The following C5 variants were observed in gnomAD, a reference collection of about 807,000 sequenced individuals.
C5 encodes the protein C3 and PZP-like alpha-2-macroglobulin domain-containing protein 4.
A neutral mutation model predicts 218.8 loss-of-function variants in C5; 140 were observed. That is an observed-to-expected ratio of 0.64 (90% CI 0.56 to 0.74). C5 has a LOEUF of 0.74. Among genes scored for constraint, C5 ranks in the 30% least tolerant of loss-of-function variants. The pLI is 0.00. For synonymous variants in C5, 614 were observed against 682.3 expected (o/e 0.90, Z 1.56); for missense variants, 1,700 against 1,969.6 (o/e 0.86, Z 2.59).
At chr9:121,045,334 C>G (rs1408257979) in intron 2 of C5, among the ~76,000 whole-genome samples, 2 of 151,928 alleles carry the variant, frequency 1.3e-5, no homozygotes, top group African/African-American at 4.8e-5. Flanking sequence ...ATAACATAAT[C>G]AAAATAATTT....
At chr9:121,035,209 C>G (rs1253640159) in intron 4 of C5, among the ~76,000 whole-genome samples, 1 of 152,094 alleles carries the variant, frequency 6.6e-6, no homozygotes, top group East Asian at 1.9e-4. Context: ...AACAAACAAA[C>G]AAACAAACAA....
At chr9:121,074,268 G>A in the C5 span, among the ~76,000 whole-genome samples, 1 of 152,200 alleles carries the variant, frequency 6.6e-6, no homozygotes, top group Non-Finnish European at 1.5e-5. Context: ...CCCAGTATCT[G>A]CTAAATTCTT....
chr9:121,025,508 C>T lies in C5; in HGVS notation c.946G>A (p.Glu316Lys), dbSNP rs750679049. 3.1e-6 allele frequency: 5 copies of T among 1,611,850 alleles called. No homozygotes were observed. The highest frequency in any genetic ancestry group is 4.2e-6 in the Non-Finnish European group (5 of 1,179,140). ...AVKELSYYSL[E>K]DLNNKYLYIA... ...TAAAGGTACTTGTTGTTTAAATCTTCTAAACTGTAGTATGACAGTTCTTTG... is the reference window on the plus strand; with the variant it reads ...TAAAGGTACTTGTTGTTTAAATCTTTTAAACTGTAGTATGACAGTTCTTTG... The change falls in exon 9 of 41, where the codon GAA becomes AAA. Residue 316 changes from glutamate (E) to lysine (K), a missense_variant. Physicochemically the swap from Glu to Lys is moderately conservative, Grantham distance 56. Transcript: ENST00000223642.
At chr9:121,019,420 G>A (rs1444101344) in intron 12 of C5, among the ~76,000 whole-genome samples, 1 of 152,024 alleles carries the variant, frequency 6.6e-6, no homozygotes, top group Non-Finnish European at 1.5e-5. Flanking sequence ...TTTTTTCTTG[G>A]TTTCACCAAC....
At chr9:121,052,834 T>G (rs2047679378), upstream of C5, among the ~76,000 whole-genome samples, 1 of 152,262 alleles carries the variant, frequency 6.6e-6, no homozygotes, top group Non-Finnish European at 1.5e-5. Context: ...ATTTTGTACT[T>G]ACTTGGTAAA....
the C5 span, among the ~76,000 whole-genome samples, chr9:121,065,083 ATATAT>A: frequency 1.3e-5 from 2 of 152,000 alleles, no homozygotes; most frequent in Non-Finnish European, 2.9e-5. Context: ...AAATATATAT[ATATAT>A]ATATGAAAGT....
chr9:121,024,253 A>G (rs1307191523), intron 9 of C5, among the ~76,000 whole-genome samples: 1 of 480 alleles, frequency 2.1e-3, no homozygotes, highest in Admixed American at 0.018. Context: ...GGGGAGGGGG[A>G]GGGGGGAGTG....
Position 120,952,604 on chromosome 9 carries a change from C to A in C5, c.*135G>T. 1 of 816,258 alleles carries A rather than the reference C, an allele frequency of 1.2e-6. No homozygotes were observed. 50.6% of individuals were successfully genotyped at this position (816,258 alleles called of 1,614,324 possible). A position where few individuals can be genotyped will look rare whatever the true frequency, so the allele number is the denominator to read the frequency against. On this transcript the variant is annotated 3_prime_UTR_variant, in exon 41 of 41. Transcript: ENST00000223642. ...AATCATTCTCTAATAAAAGCAAGTG[C>A]CACTAATTCTAAGTAAAGTGAGCTT...
At chr9:121,037,810 C>G in intron 4 of C5, 71 bp downstream of exon 4, 1 of 693,126 alleles carries the variant, frequency 1.4e-6, no homozygotes, top group Non-Finnish European at 2.5e-6. Context: ...AGTGTGAGGA[C>G]AGGGTTATGA....
At chr9:121,017,007 A>T (rs554790163) in intron 14 of C5, among the ~76,000 whole-genome samples, 160 of 152,200 alleles carry the variant, frequency 1.1e-3, no homozygotes, top group African/African-American at 1.7e-3. Flanking sequence ...ATGAGAATTT[A>T]AAAAAAATCC....
chr9:120,988,037 CG>C (rs2047047509), intron 25 of C5, among the ~76,000 whole-genome samples: 1 of 152,170 alleles, frequency 6.6e-6, no homozygotes, highest in African/African-American at 2.4e-5. Flanking sequence ...ATGATCCGCC[CG>C]CCTTGTCCTC....
rs757429762 is a variant in C5 at position 120,970,140 on chromosome 9, A to G, written c.4162+30T>C. The stretch of plus-strand genomic sequence containing the variant: ...TATACACATGCTTTATTTTTAGCCA[A>G]AATTACAGCGTAAATCCTGCTGTTT... On this transcript the variant is annotated intron_variant, in intron 32 of 40. Coordinates refer to ENST00000223642, the MANE Select transcript of C5 (RefSeq NM_001735.3). 3.3e-6 allele frequency: 5 copies of G among 1,496,334 alleles called. No homozygotes were observed. In the Admixed American group the frequency reaches 5.0e-5, roughly 15 times the overall value. 92.7% of individuals were successfully genotyped at this position (1,496,334 alleles called of 1,614,324 possible).
At chr9:121,021,139 G>T (rs2047361705) in intron 11 of C5, among the ~76,000 whole-genome samples, 2 of 152,156 alleles carry the variant, frequency 1.3e-5, no homozygotes, top group Admixed American at 1.3e-4. Flanking sequence ...AGAAAAAAGG[G>T]AGGCTTCCAT....
At chr9:121,029,370 T>A (rs923050274) in intron 7 of C5, among the ~76,000 whole-genome samples, 3 of 152,222 alleles carry the variant, frequency 2.0e-5, no homozygotes, top group Non-Finnish European at 2.9e-5. Context: ...GCTGTGCAAC[T>A]TACTAGCTGT....
At chr9:120,968,373 G>C (rs920346147) in intron 33 of C5, among the ~76,000 whole-genome samples, 1 of 152,168 alleles carries the variant, frequency 6.6e-6, no homozygotes, top group Non-Finnish European at 1.5e-5. Flanking sequence ...ATCTGGAATA[G>C]GCAAAGAAAT....
chr9:121,006,841 A>G, intron 19 of C5, 63 bp downstream of exon 19: 1 of 1,147,042 alleles, frequency 8.7e-7, no homozygotes, highest in South Asian at 1.2e-5. Context: ...AGATACTAAC[A>G]AAGAATTACA....
chr9:120,980,696 T>C (rs2131696353), intron 27 of C5, among the ~76,000 whole-genome samples: 1 of 152,238 alleles, frequency 6.6e-6, no homozygotes, highest in East Asian at 1.9e-4. Context: ...GTTCACGCCA[T>C]TCTCCTGCCT....
At chr9:121,032,087 A>G (rs746052309) in intron 6 of C5, 26 bp downstream of exon 6, 52 of 1,455,330 alleles carry the variant, frequency 3.6e-5, no homozygotes, top group Non-Finnish European at 4.8e-5. Flanking sequence ...AAAAGCAAAG[A>G]AAAACTTTTA....
At chr9:121,056,311 C>T in the C5 span, among the ~76,000 whole-genome samples, 1 of 152,128 alleles carries the variant, frequency 6.6e-6, no homozygotes, top group Non-Finnish European at 1.5e-5. Context: ...ACTAATCAGA[C>T]AGGGAATTCA....
Sources: allele counts gnomAD v4.1 joint callset (sites outside exome capture counted in the v4.1 genomes callset), GRCh38; gene constraint gnomAD v4.1.1; transcripts MANE v1.5; gene names NCBI Gene and HGNC (gene_info 2026-07-23, HGNC 2026-07-21).